Variants in ZNF500 observed in about 807,000 individuals in gnomAD.
ZNF500 encodes zinc finger protein 500, also known as zinc finger protein with KRAB and SCAN domains 18.
Under a neutral mutation model 30.1 loss-of-function variants are expected in ZNF500, and 31 were observed. That is an observed-to-expected ratio of 1.03 (90% CI 0.77 to 1.39). ZNF500 has a LOEUF of 1.39. ZNF500 is among the 40% of genes most tolerant of loss of function. The pLI is 0.00. For missense variants in ZNF500, 817 were observed against 657.8 expected (o/e 1.24, Z -2.65); for synonymous variants, 392 against 282.0 (o/e 1.39, Z -3.91).
chr16:4,753,954 G>A (rs575179365), intron 5 of ZNF500, among the ~76,000 whole-genome samples: 16 of 152,348 alleles, frequency 1.1e-4, no homozygotes, highest in African/African-American at 3.1e-4. Context: ...CCAGGTTCTA[G>A]AGCCACCACC....
At chr16:4,765,485 A>G (rs576389571) in intron 2 of ZNF500, 80 bp downstream of exon 2, 1 of 1,510,358 alleles carries the variant, frequency 6.6e-7, no homozygotes, top group Non-Finnish European at 8.9e-7. Flanking sequence ...TGGTCACCCA[A>G]TGACCAAGGA....
downstream of ZNF500, chr16:4,745,017 A>C: frequency 1.9e-6 from 3 of 1,612,200 alleles, no homozygotes; most frequent in Non-Finnish European, 2.5e-6. Context: ...AGCAGGTGGG[A>C]CTTGTAGCCA....
rs1392259416 is a variant in ZNF500 at position 4,751,612 on chromosome 16, A to G, written c.*764T>C. On this transcript the variant is annotated 3_prime_UTR_variant, in exon 6 of 6. Coordinates refer to ENST00000219478, the MANE Select transcript of ZNF500 (RefSeq NM_021646.4). ...GGTACAGCAGGGCTCCCTGCAGCAGACGAGGGGTCCCTCAAATTCATGTGC... is the reference window on the plus strand; with the variant it reads ...GGTACAGCAGGGCTCCCTGCAGCAGGCGAGGGGTCCCTCAAATTCATGTGC... 1 of 1,535,186 alleles carries G rather than the reference A, an allele frequency of 6.5e-7. No homozygotes were observed. The highest frequency in any genetic ancestry group is 1.4e-5 in the African/African-American group (1 of 73,028).
chr16:4,746,864 C>A, downstream of ZNF500: 1 of 1,429,314 alleles, frequency 7.0e-7, no homozygotes, highest in Non-Finnish European at 9.3e-7. Flanking sequence ...GCTTCAAGCC[C>A]CAACAAGAGT....
chr16:4,762,925 C>T, intron 2 of ZNF500, 169 bp from the exon 3 acceptor site: 8 of 985,406 alleles, frequency 8.1e-6, no homozygotes, highest in Non-Finnish European at 9.6e-6. Flanking sequence ...CTGCAGCCAG[C>T]TCCCAGCCTG....
downstream of ZNF500, chr16:4,744,941 G>A (rs372041251): frequency 1.1e-5 from 17 of 1,613,758 alleles, no homozygotes; most frequent in African/African-American, 2.0e-4. Context: ...GCAGTCCAAG[G>A]CCTCTGCTTG....
At chr16:4,759,076 G>A (rs1433726388) in intron 5 of ZNF500, among the ~76,000 whole-genome samples, 2 of 104,556 alleles carry the variant, frequency 1.9e-5, no homozygotes, top group East Asian at 2.8e-4. Context: ...GGGTATGGTG[G>A]CACACACCTG....
downstream of ZNF500, chr16:4,746,752 G>A (rs2082022400): frequency 2.7e-6 from 2 of 751,906 alleles, no homozygotes; most frequent in African/African-American, 1.8e-5. Flanking sequence ...CGTCTAGGCT[G>A]GAGGGCATCA....
At chr16:4,759,791 C>G (rs1300061386) in intron 5 of ZNF500, among the ~76,000 whole-genome samples, 1 of 152,068 alleles carries the variant, frequency 6.6e-6, no homozygotes, top group East Asian at 1.9e-4. Context: ...CATCCCAGCA[C>G]TTTGGGAGGC....
chr16:4,764,659 G>A (rs2082242845), intron 2 of ZNF500, among the ~76,000 whole-genome samples: 1 of 151,812 alleles, frequency 6.6e-6, no homozygotes, highest in Non-Finnish European at 1.5e-5. Context: ...GTGGGCGCCT[G>A]TAGTCCCAGC....
chr16:4,764,951 T>C (rs915051714), intron 2 of ZNF500, among the ~76,000 whole-genome samples: 1 of 152,068 alleles, frequency 6.6e-6, no homozygotes, highest in Non-Finnish European at 1.5e-5. Flanking sequence ...GTTCTCCCAC[T>C]TTGGGGGTAG....
downstream of ZNF500, among the ~76,000 whole-genome samples, chr16:4,744,277 T>C (rs1309498877): frequency 6.6e-6 from 1 of 152,208 alleles, no homozygotes; most frequent in Admixed American, 6.5e-5. Flanking sequence ...AATCAAGCTA[T>C]TGCAATTAGA....
chr16:4,757,388 C>G (rs546106398), intron 5 of ZNF500, among the ~76,000 whole-genome samples: 5 of 152,164 alleles, frequency 3.3e-5, no homozygotes, highest in Non-Finnish European at 7.4e-5. Context: ...TCACAGCTTA[C>G]TGCAGCCTTG....
intron 2 of ZNF500, chr16:4,764,208 G>T (rs897717314): frequency 5.3e-5 from 23 of 433,092 alleles, no homozygotes; most frequent in Admixed American, 6.4e-5. Flanking sequence ...GAGGTGGTCA[G>T]TGTGACTGAG....
intron 1 of ZNF500, among the ~76,000 whole-genome samples, chr16:4,766,603 A>G (rs1014382131): frequency 7.9e-4 from 121 of 152,354 alleles, no homozygotes; most frequent in African/African-American, 2.8e-3. Context: ...CCTGGGCGAC[A>G]GAGAGAGACT....
rs749978769 is a variant in ZNF500, at chr16:4,765,627, C to T, written c.352G>A (p.Gly118Ser). ...ARVREQQPES[G>S]EEAVVLVEGL... ...TCCACAAGGACCACGGCCTCCTCAC[C>T]GCTCTCCGGCTGCTGCTCGCGTACC... The change falls in exon 2 of 6, where the codon GGT becomes AGT. Residue 118 changes from glycine to serine, a missense_variant. Gly to Ser is a moderately conservative substitution (Grantham distance 56). Coordinates refer to ENST00000219478, the MANE Select transcript of ZNF500 (RefSeq NM_021646.4). 1.2e-5 allele frequency: 20 copies of T among 1,613,292 alleles called. No homozygotes were observed. Among genetic ancestry groups the T allele is most frequent in the East Asian group, 8.9e-5 (4 of 44,890 alleles).
chr16:4,765,992 C>T lies in ZNF500; in HGVS notation c.-14G>A. ...GACAGTGGCCATTGCTTCCGGTGGGCCTTGTTCCTTTTCAGGCCTTAGAGT... is the reference window on the plus strand; with the variant it reads ...GACAGTGGCCATTGCTTCCGGTGGGTCTTGTTCCTTTTCAGGCCTTAGAGT... On this transcript the variant is annotated 5_prime_UTR_variant, in exon 2 of 6. Coordinates refer to ENST00000219478, the MANE Select transcript of ZNF500 (RefSeq NM_021646.4). 6.5e-7 allele frequency: 1 copy of T among 1,533,790 alleles called. No homozygotes were observed. Among genetic ancestry groups the T allele is most frequent in the Non-Finnish European group, 8.7e-7 (1 of 1,146,334 alleles).
Position 4,752,062 on chromosome 16 carries a change from C to T in ZNF500, c.*314G>A. ...AGCTGATGGACCCTCCCAGGCCCTTCAGGAGCCAGCCCCACGAACACCTTG... is the reference window on the plus strand; with the variant it reads ...AGCTGATGGACCCTCCCAGGCCCTTTAGGAGCCAGCCCCACGAACACCTTG... On this transcript the variant is annotated 3_prime_UTR_variant, in exon 6 of 6. Coordinates refer to ENST00000219478, the MANE Select transcript of ZNF500 (RefSeq NM_021646.4). 1 of 1,297,952 alleles carries T rather than the reference C, an allele frequency of 7.7e-7. No individual in the cohort carries two copies. Among genetic ancestry groups the T allele is most frequent in the African/African-American group, 1.5e-5 (1 of 66,270 alleles). The allele number at this position is 1,297,952 out of a possible 1,614,324, so 80.4% of individuals were successfully genotyped here.
chr16:4,747,184 C>G (rs572049120), downstream of ZNF500: 76 of 1,212,274 alleles, frequency 6.3e-5, no homozygotes, highest in African/African-American at 1.1e-3. Flanking sequence ...TGCCCACGTC[C>G]ACTGGGTCCC....
Sources: gnomAD v4.1 joint callset for allele counts (sites outside exome capture counted in the v4.1 genomes callset) on GRCh38, gnomAD v4.1.1 for gene constraint, MANE v1.5 for transcripts, NCBI Gene and HGNC (gene_info 2026-07-23, HGNC 2026-07-21) for gene names.